The following BBS4 variants were observed in gnomAD, a reference collection of about 807,000 sequenced individuals.
BBS4 encodes Bardet-Biedl syndrome 4.
A neutral mutation model predicts 71.4 loss-of-function variants in BBS4; 58 were observed. The observed-to-expected ratio is 0.81, with a 90% CI of 0.66 to 1.01. The LOEUF is 1.01. Ranked by LOEUF, BBS4 falls within the 50% of genes least tolerant of loss-of-function variation. The probability of loss-of-function intolerance (pLI) is 0.00; values close to 1 mark genes in which losing one functional copy is unlikely to be tolerated. For synonymous variants in BBS4, 228 were observed against 216.8 expected, an observed-to-expected ratio of 1.05 and a Z score of -0.46; for missense variants, 660 against 607.9, an observed-to-expected ratio of 1.09 and a Z score of -0.90.
intron 1 of BBS4, among the ~76,000 whole-genome samples, chr15:72,688,046 C>CAAAAAAA (rs199931617): frequency 1.1e-4 from 9 of 84,942 alleles, no homozygotes; most frequent in East Asian, 3.3e-4. Flanking sequence ...GACTCCGTCT[C>CAAAAAAA]AAAAAAAAAA....
At chr15:72,726,814 C>G (rs1466849902) in intron 8 of BBS4, among the ~76,000 whole-genome samples, 1 of 152,194 alleles carries the variant, frequency 6.6e-6, no homozygotes. Flanking sequence ...TAGAGGTTAG[C>G]TCTTTGAGAA....
At chr15:72,690,810 G>A (rs951156815) in intron 1 of BBS4, among the ~76,000 whole-genome samples, 22 of 152,204 alleles carry the variant, frequency 1.4e-4, no homozygotes, top group African/African-American at 4.8e-4. Flanking sequence ...GGCTATATAC[G>A]AGTTAACATT....
intron 9 of BBS4, among the ~76,000 whole-genome samples, chr15:72,728,201 A>C (rs951025365): frequency 6.6e-6 from 1 of 152,202 alleles, no homozygotes; most frequent in Non-Finnish European, 1.5e-5. Flanking sequence ...GCCTAGTGCA[A>C]TTATAATTCT....
intron 2 of BBS4, 116 bp downstream of exon 2, chr15:72,695,344 G>A (rs2065058133): frequency 8.8e-6 from 6 of 678,196 alleles, no homozygotes; most frequent in Admixed American, 2.9e-5. Flanking sequence ...CTGGAGTGCA[G>A]TAGCACAATC....
At chr15:72,734,996 C>CT in intron 12 of BBS4, 117 bp from the exon 13 acceptor site, 1 of 744,848 alleles carries the variant, frequency 1.3e-6, no homozygotes, top group Non-Finnish European at 2.4e-6. Context: ...TCTAAGCTGA[C>CT]TTAGTAAACT....
At chr15:72,696,665 T>C (rs930031253) in intron 2 of BBS4, among the ~76,000 whole-genome samples, 6 of 151,364 alleles carry the variant, frequency 4.0e-5, no homozygotes, top group Non-Finnish European at 7.4e-5. Flanking sequence ...GTGGTGTGAT[T>C]ATAGCTCACT....
At position 72,738,071 on chromosome 15, in the gene BBS4, C is replaced by A; in HGVS notation, c.*484C>A. ...AAACACAAATATTAGATTAATAATC[C>A]AACTTTAATAGTATACATTTAAAAG... On this transcript the variant is annotated 3_prime_UTR_variant, in exon 16 of 16. Transcript: ENST00000268057. The A allele has an allele frequency of 2.2e-6, 1 of 453,918 alleles. No homozygotes were observed. 28.1% of individuals were successfully genotyped at this position (453,918 alleles called of 1,614,324 possible).
At chr15:72,719,179 G>T (rs2065519904) in intron 6 of BBS4, among the ~76,000 whole-genome samples, 1 of 151,948 alleles carries the variant, frequency 6.6e-6, no homozygotes, top group African/African-American at 2.4e-5. Flanking sequence ...GCCACAAATG[G>T]TCACCATACA....
chr15:72,727,983 C>G lies in BBS4; in HGVS notation c.631C>G (p.Leu211Val). ...AGAGCTTCTTACAACTTTAGGATTA[C>G]TCTACTTACAGGTAATGAAAACTCT... ...NTELLTTLGL[L>V]YLQLGIYQKA... Residue 211 changes from leucine (L) to valine (V), a missense_variant, in exon 9 of 16, where the codon CTC becomes GTC. Coordinates refer to ENST00000268057, the MANE Select transcript of BBS4 (RefSeq NM_033028.5). The G allele has an allele frequency of 6.2e-7, 1 of 1,611,772 alleles. No individual in the cohort carries two copies. Among genetic ancestry groups the G allele is most frequent in the Non-Finnish European group, 8.5e-7 (1 of 1,177,924 alleles).
intron 2 of BBS4, chr15:72,698,143 CACAACCTGAGACAACAT>C (rs2065109620): frequency 7.0e-6 from 3 of 428,274 alleles, no homozygotes; most frequent in Non-Finnish European, 1.4e-5. Flanking sequence ...GAGTTTTGTC[CACAACCTGAGACAACAT>C]ACTCACTATG....
chr15:72,729,616 C>G lies in BBS4; in HGVS notation c.643C>G (p.Leu215Val). ...TTGTCTTGTTTGCTTTTTTTCCAAG[C>G]TCGGCATTTACCAGAAGGCATTTGA... is the stretch of plus-strand genomic sequence containing the variant. ...LTTLGLLYLQLGIYQKAFEHL... is the reference protein window; with the variant it reads ...LTTLGLLYLQVGIYQKAFEHL... Residue 215 changes from leucine (L) to valine (V), a missense_variant and splice_region_variant, in exon 10 of 16, where the codon CTC becomes GTC. Leu to Val is a conservative substitution (Grantham distance 32). Transcript: ENST00000268057. 1.2e-6 allele frequency: 2 copies of G among 1,613,902 alleles called. No homozygotes were observed. The highest frequency in any genetic ancestry group is 1.7e-6 in the Non-Finnish European group (2 of 1,179,864).
intron 1 of BBS4, among the ~76,000 whole-genome samples, chr15:72,693,047 C>T (rs1435668805): frequency 6.6e-6 from 1 of 151,908 alleles, no homozygotes; most frequent in African/African-American, 2.4e-5. Flanking sequence ...TAATGAGTAC[C>T]AAAGAAATTA....
chr15:72,708,355 G>T (rs60154507), intron 2 of BBS4, among the ~76,000 whole-genome samples: 6,689 of 152,242 alleles, frequency 0.044, 486 homozygotes, highest in African/African-American at 0.15. Flanking sequence ...TGTGGCAGAG[G>T]AACGTAAATT....
intron 8 of BBS4, among the ~76,000 whole-genome samples, chr15:72,725,057 T>TAGAGAGAGAGAG (rs71137311): frequency 2.0e-4 from 25 of 127,588 alleles, no homozygotes; most frequent in East Asian, 1.4e-3. Context: ...TATATATATA[T>TAGAGAGAGAGAG]AGAGAGAGAG....
At chr15:72,701,634 A>G (rs1428968103) in intron 2 of BBS4, among the ~76,000 whole-genome samples, 1 of 152,106 alleles carries the variant, frequency 6.6e-6, no homozygotes, top group East Asian at 1.9e-4. Flanking sequence ...CCTTGAAAAT[A>G]CTCAAGAAAT....
At chr15:72,706,036 T>C (rs2065259241) in intron 2 of BBS4, among the ~76,000 whole-genome samples, 1 of 152,146 alleles carries the variant, frequency 6.6e-6, no homozygotes. Context: ...CCTCATTCTC[T>C]TTTACTCTTT....
rs375558008 is a variant in BBS4, at chr15:72,735,832, C to T, written c.1114C>T (p.Pro372Ser). The change falls in exon 14 of 16, where the codon CCT (proline) becomes TCT (serine). Residue 372 changes from proline (P) to serine (S), a missense_variant. Pro to Ser is a moderately conservative substitution (Grantham distance 74). Transcript: ENST00000268057. ...AEAVHLDKCN[P>S]LVNLNYAVLL... Reference sequence around the variant, plus strand: ...AATCTCTGTCTGCCACAGGTGTAACCCTTTAGTAAACCTGAACTATGCTGT... The same window carrying T: ...AATCTCTGTCTGCCACAGGTGTAACTCTTTAGTAAACCTGAACTATGCTGT... 13 of 1,613,976 alleles carry T rather than the reference C, an allele frequency of 8.1e-6. No homozygotes were observed. In the African/African-American group the frequency reaches 9.3e-5, roughly 12 times the overall value.
intron 8 of BBS4, among the ~76,000 whole-genome samples, chr15:72,727,465 C>G (rs1211580733): frequency 6.6e-6 from 1 of 151,924 alleles, no homozygotes; most frequent in Non-Finnish European, 1.5e-5. Context: ...TGGTATAGCT[C>G]TTTGTTTAAG....
intron 12 of BBS4, among the ~76,000 whole-genome samples, chr15:72,732,787 G>A (rs1430176852): frequency 6.6e-6 from 1 of 152,248 alleles, no homozygotes; most frequent in Non-Finnish European, 1.5e-5. Context: ...TCAATCAGGA[G>A]GTAGAGGGAG....
Sources: allele counts gnomAD v4.1 joint callset (sites outside exome capture counted in the v4.1 genomes callset), GRCh38; gene constraint gnomAD v4.1.1; transcripts MANE v1.5; gene names NCBI Gene and HGNC (gene_info 2026-07-23, HGNC 2026-07-21).